RAPGEF1: variants seen among roughly 807,000 people sequenced by gnomAD.
The protein encoded by RAPGEF1 is CRK SH3-binding GNRP.
A neutral mutation model predicts 143.3 loss-of-function variants in RAPGEF1; 33 were observed. The ratio of observed to expected loss-of-function variants is 0.23; its 90% CI spans 0.17 to 0.31. The LOEUF is 0.31. Ranked by LOEUF, RAPGEF1 falls within the 10% of genes least tolerant of loss-of-function variation. The pLI, the probability that RAPGEF1 is intolerant of heterozygous loss-of-function variation, is 1.00. For missense variants in RAPGEF1, 1,199 were observed against 1,645.4 expected (o/e 0.73, Z 4.69); for synonymous variants, 629 against 676.5 (o/e 0.93, Z 1.09).
In RAPGEF1 at chr9:131,587,723, G is replaced by A. The variant is rs1434365886; in HGVS notation, c.3233+13C>T. The A allele has an allele frequency of 1.9e-6, 3 of 1,611,152 alleles. No homozygotes were observed. Reference sequence around the variant, plus strand: ...ATCCAGAGCAACAGGGCTTGGCGCTGGGCCTCTCTTACCAGTAGGACATGT... The same window carrying A: ...ATCCAGAGCAACAGGGCTTGGCGCTAGGCCTCTCTTACCAGTAGGACATGT... On this transcript the variant is annotated intron_variant, in intron 22 of 26. Coordinates refer to ENST00000683357, the MANE Select transcript of RAPGEF1 (RefSeq NM_001377935.1).
chr9:131,713,776 G>A (rs970142047), intron 1 of RAPGEF1, among the ~76,000 whole-genome samples: 8 of 152,056 alleles, frequency 5.3e-5, no homozygotes, highest in African/African-American at 1.5e-4. Context: ...GCCACAGAGC[G>A]AGAACCCATC....
chr9:131,671,102 G>A (rs562401006), intron 1 of RAPGEF1, among the ~76,000 whole-genome samples: 4 of 152,284 alleles, frequency 2.6e-5, no homozygotes, highest in Non-Finnish European at 5.9e-5. Context: ...AAAAACCAGG[G>A]GCAACCCAAC....
chr9:131,697,720 T>C (rs748664584), intron 1 of RAPGEF1, among the ~76,000 whole-genome samples: 54 of 152,336 alleles, frequency 3.5e-4, no homozygotes, highest in Non-Finnish European at 5.9e-4. Context: ...CTCAAGACTA[T>C]ACAGCCAGTG....
Position 131,584,257 on chromosome 9 carries a change from C to G in RAPGEF1, c.3414+54G>C. 8 of 1,484,488 alleles carry G rather than the reference C, an allele frequency of 5.4e-6. No homozygotes were observed. The highest frequency in any genetic ancestry group is 7.4e-6 in the Non-Finnish European group (8 of 1,083,066). 92.0% of individuals were successfully genotyped at this position (1,484,488 alleles called of 1,614,324 possible). On this transcript the variant is annotated intron_variant, in intron 24 of 26. Coordinates refer to ENST00000683357, the MANE Select transcript of RAPGEF1 (RefSeq NM_001377935.1). The surrounding 1 kb of genome is among the most constrained non-coding windows in gnomAD (Gnocchi z 6.8). ...TCTGCCACAGCTAGTCGCCTGAGGG[C>G]TGGGCGGCCCCCCTTACCAGCCACC...
In RAPGEF1 at chr9:131,604,885, GGTGTGTGT is replaced by G. The variant is rs58627149; in HGVS notation, c.2319+38_2319+45del. The G allele has an allele frequency of 3.7e-5, 44 of 1,192,652 alleles. No individual in the cohort carries two copies. The African/African-American group carries it at 5.7e-4, about 15-fold the overall frequency. The allele number at this position is 1,192,652 out of a possible 1,614,324, so 73.9% of individuals were successfully genotyped here. ...AAAAACGTGCAGCCCCATGTGCAGG[GGTGTGTGT>G]GTGTGTGTGTGTGTGTGTGTGCACG... On this transcript the variant is annotated intron_variant, in intron 13 of 26. Coordinates refer to ENST00000683357, the MANE Select transcript of RAPGEF1 (RefSeq NM_001377935.1).
intron 11 of RAPGEF1, 153 bp from the exon 12 acceptor site, chr9:131,619,359 C>T: frequency 1.7e-6 from 1 of 585,004 alleles, no homozygotes; most frequent in Non-Finnish European, 2.6e-6. Flanking sequence ...AGTTCAGGGA[C>T]TAAAACCAGC....
At chr9:131,588,736 G>A (rs1476198008) in intron 20 of RAPGEF1, 65 bp downstream of exon 20, 1 of 1,479,278 alleles carries the variant, frequency 6.8e-7, no homozygotes, top group African/African-American at 1.4e-5. Flanking sequence ...GGCAGGGAGG[G>A]AGGGTAAACT....
intron 1 of RAPGEF1, among the ~76,000 whole-genome samples, chr9:131,656,388 C>T (rs538897726): frequency 6.6e-6 from 1 of 152,296 alleles, no homozygotes; most frequent in East Asian, 1.9e-4. Flanking sequence ...TGATGGCAGC[C>T]CCACAGTGTC....
chr9:131,738,597 G>A (rs977625294), intron 1 of RAPGEF1, among the ~76,000 whole-genome samples: 1 of 152,168 alleles, frequency 6.6e-6, no homozygotes, highest in Non-Finnish European at 1.5e-5. Flanking sequence ...CTGGACAGCC[G>A]GAACTCACTG....
chr9:131,668,628 G>A (rs1274613274), intron 1 of RAPGEF1, among the ~76,000 whole-genome samples: 1 of 152,104 alleles, frequency 6.6e-6, no homozygotes, highest in African/African-American at 2.4e-5. Flanking sequence ...CACTCAAGGC[G>A]GCCTGTCCCC....
intron 1 of RAPGEF1, among the ~76,000 whole-genome samples, chr9:131,654,437 G>A (rs113414902): frequency 6.6e-4 from 101 of 152,282 alleles, no homozygotes; most frequent in Non-Finnish European, 1.3e-3. Context: ...ATGGCTGGGC[G>A]CAGTGGTTCA....
chr9:131,688,150 T>C (rs762632463), intron 1 of RAPGEF1, among the ~76,000 whole-genome samples: 3 of 152,318 alleles, frequency 2.0e-5, no homozygotes, highest in Non-Finnish European at 4.4e-5. Flanking sequence ...AGAGGAGATA[T>C]GCTGGAGATG....
chr9:131,724,230 A>G (rs975427805), intron 1 of RAPGEF1, among the ~76,000 whole-genome samples: 4 of 152,160 alleles, frequency 2.6e-5, no homozygotes, highest in Non-Finnish European at 5.9e-5. Context: ...TTGATATTCA[A>G]TTTTCAGACA....
rs910267320 is a variant in RAPGEF1 at position 131,675,220 on chromosome 9, G to A, written c.62-24271C>T. Among the ~76,000 whole-genome samples, 5 of 152,156 alleles carry A rather than the reference G, an allele frequency of 3.3e-5. No individual in the cohort carries two copies. Among genetic ancestry groups the A allele is most frequent in the African/African-American group, 7.2e-5 (3 of 41,412 alleles). Reference sequence around the variant, plus strand: ...TGTATTTCTCGTGGGGATGAGGCACGGACCGAGGGGAAAATGCTCCCAGCA... The same window carrying A: ...TGTATTTCTCGTGGGGATGAGGCACAGACCGAGGGGAAAATGCTCCCAGCA... On this transcript the variant is annotated intron_variant, in intron 1 of 26. Coordinates refer to ENST00000683357, the MANE Select transcript of RAPGEF1 (RefSeq NM_001377935.1). The surrounding 1 kb of genome is among the most constrained non-coding windows in gnomAD (Gnocchi z 4.6).
At chr9:131,646,671 C>T (rs983827354) in intron 3 of RAPGEF1, among the ~76,000 whole-genome samples, 7 of 152,204 alleles carry the variant, frequency 4.6e-5, no homozygotes, top group African/African-American at 1.4e-4. Flanking sequence ...CCCCTCTCCA[C>T]AGCAACATAA....
At chr9:131,620,581 G>A (rs1197011420) in intron 11 of RAPGEF1, among the ~76,000 whole-genome samples, 1 of 152,180 alleles carries the variant, frequency 6.6e-6, no homozygotes, top group Non-Finnish European at 1.5e-5. Context: ...AATGGCACGT[G>A]CGACACGGCT....
intron 22 of RAPGEF1, among the ~76,000 whole-genome samples, chr9:131,586,942 A>C (rs1953102030): frequency 9.1e-6 from 1 of 109,978 alleles, no homozygotes; most frequent in Non-Finnish European, 1.9e-5. Context: ...ACACACACAC[A>C]CCTGCAGAGC....
chr9:131,699,019 C>G (rs774219687), intron 1 of RAPGEF1, among the ~76,000 whole-genome samples: 1 of 151,712 alleles, frequency 6.6e-6, no homozygotes, highest in Non-Finnish European at 1.5e-5. Flanking sequence ...TGGTCTTGAG[C>G]GATGTTTCCA....
At chr9:131,662,213 C>A (rs1189445171) in intron 1 of RAPGEF1, among the ~76,000 whole-genome samples, 2 of 152,206 alleles carry the variant, frequency 1.3e-5, no homozygotes, top group Admixed American at 1.3e-4. Context: ...TGTGTCACTT[C>A]ACGTCTGCAC....
Sources: gnomAD v4.1 joint callset for allele counts (sites outside exome capture counted in the v4.1 genomes callset) on GRCh38, gnomAD v4.1.1 for gene constraint, Gnocchi (gnomAD v3.1) non-coding constraint, MANE v1.5 for transcripts, NCBI Gene and HGNC (gene_info 2026-07-23, HGNC 2026-07-21) for gene names.